Variants in DNAJC1 observed in about 807,000 individuals in gnomAD.
The protein encoded by DNAJC1 is dnaJ homolog subfamily C member 1.
Under a neutral mutation model 76.6 loss-of-function variants are expected in DNAJC1, and 58 were observed. The observed-to-expected ratio is 0.76, with a 90% CI of 0.61 to 0.94. DNAJC1 has a LOEUF of 0.94. Among genes scored for constraint, DNAJC1 ranks in the 40% least tolerant of loss-of-function variants. DNAJC1 has a pLI of 0.00. For missense variants in DNAJC1, 689 were observed against 677.3 expected (o/e 1.02, Z -0.19); for synonymous variants, 258 against 267.9 (o/e 0.96, Z 0.36).
intron 10 of DNAJC1, among the ~76,000 whole-genome samples, chr10:21,761,416 G>A (rs1049221409): frequency 6.6e-6 from 1 of 151,906 alleles, no homozygotes; most frequent in East Asian, 1.9e-4. Context: ...AAAATTAGCC[G>A]GGTGTGGTGG....
At chr10:21,781,718 C>CAA (rs1298897674) in intron 9 of DNAJC1, among the ~76,000 whole-genome samples, 3,017 of 86,896 alleles carry the variant, frequency 0.035, 112 homozygotes, top group Non-Finnish European at 0.04. Context: ...GCGACTGTCT[C>CAA]AAAAAAAAAA....
At chr10:21,758,843 C>A (rs941164381) in intron 11 of DNAJC1, among the ~76,000 whole-genome samples, 7 of 152,344 alleles carry the variant, frequency 4.6e-5, no homozygotes, top group Admixed American at 3.3e-4. Context: ...GCAGCGCCGG[C>A]TGAGCCTCCC....
intron 1 of DNAJC1, among the ~76,000 whole-genome samples, chr10:21,990,618 T>C (rs1418625123): frequency 2.0e-5 from 3 of 152,272 alleles, no homozygotes; most frequent in East Asian, 3.9e-4. Context: ...TTAGACACCA[T>C]CAAACAGGCT....
intron 8 of DNAJC1, among the ~76,000 whole-genome samples, chr10:21,832,103 T>A (rs970740689): frequency 6.6e-6 from 1 of 152,146 alleles, no homozygotes; most frequent in African/African-American, 2.4e-5. Context: ...AAGAATAACA[T>A]AGCATATATA....
chr10:21,952,586 A>C (rs1031819861), intron 1 of DNAJC1, among the ~76,000 whole-genome samples: 3 of 152,126 alleles, frequency 2.0e-5, no homozygotes, highest in Non-Finnish European at 2.9e-5. Context: ...GTGAAAACCT[A>C]TCTCTACTAA....
chr10:21,977,464 A>C (rs1838084969), intron 1 of DNAJC1, among the ~76,000 whole-genome samples: 2 of 152,182 alleles, frequency 1.3e-5, no homozygotes, highest in Admixed American at 6.5e-5. Flanking sequence ...AAGGAGAAAT[A>C]ATTTCCCAAA....
chr10:21,759,654 C>A, intron 10 of DNAJC1, 36 bp from the exon 11 acceptor site: 1 of 1,590,352 alleles, frequency 6.3e-7, no homozygotes, highest in Non-Finnish European at 8.6e-7. Context: ...AGGTGAAGGG[C>A]AAGGTGAATT....
intron 6 of DNAJC1, among the ~76,000 whole-genome samples, chr10:21,912,629 C>G (rs2666768): frequency 0.76 from 114,932 of 151,968 alleles, 43,983 homozygotes; most frequent in East Asian, 0.99. Flanking sequence ...GTGTGTGTGT[C>G]TGAAAAGTTT....
At chr10:21,958,592 A>G (rs1031136321) in intron 1 of DNAJC1, among the ~76,000 whole-genome samples, 1 of 151,984 alleles carries the variant, frequency 6.6e-6, no homozygotes, top group Non-Finnish European at 1.5e-5. Context: ...ACGCCCAGCT[A>G]ATTTTTCGTA....
intron 3 of DNAJC1, 110 bp from the exon 4 acceptor site, chr10:21,921,073 ATAATGT>A (rs1349316019): frequency 1.0e-6 from 1 of 953,034 alleles, no homozygotes; most frequent in Non-Finnish European, 1.5e-6. Context: ...TCCAAAATAG[ATAATGT>A]TTATGTACGT....
intron 1 of DNAJC1, among the ~76,000 whole-genome samples, chr10:21,954,350 C>T (rs917320974): frequency 1.3e-5 from 2 of 152,016 alleles, no homozygotes; most frequent in Non-Finnish European, 2.9e-5. Flanking sequence ...CTTCACTAGC[C>T]TAGAAGTGAA....
chr10:21,783,371 A>T (rs1164181675), intron 9 of DNAJC1, among the ~76,000 whole-genome samples: 1 of 152,208 alleles, frequency 6.6e-6, no homozygotes, highest in African/African-American at 2.4e-5. Flanking sequence ...TTCAAGGAGA[A>T]CTACAAACTA....
At chr10:21,839,268 A>G (rs1170589998) in intron 8 of DNAJC1, among the ~76,000 whole-genome samples, 1 of 152,200 alleles carries the variant, frequency 6.6e-6, no homozygotes, top group Non-Finnish European at 1.5e-5. Flanking sequence ...AACTGAAGGA[A>G]ATAGAGACAC....
At chr10:21,880,827 A>AAGTAAGCCTGTCTT (rs1234333432) in intron 8 of DNAJC1, among the ~76,000 whole-genome samples, 2 of 152,308 alleles carry the variant, frequency 1.3e-5, no homozygotes, top group East Asian at 3.9e-4. Context: ...CCTGACGAGA[A>AAGTAAGCCTGTCTT]AGTAAGCCTG....
intron 8 of DNAJC1, among the ~76,000 whole-genome samples, chr10:21,811,257 G>A (rs1476700763): frequency 6.6e-6 from 1 of 152,204 alleles, no homozygotes; most frequent in Non-Finnish European, 1.5e-5. Flanking sequence ...ACACTGTCAA[G>A]AAACAGCTAT....
At chr10:21,877,005 C>T (rs776842839) in intron 8 of DNAJC1, among the ~76,000 whole-genome samples, 4 of 151,920 alleles carry the variant, frequency 2.6e-5, no homozygotes, top group East Asian at 1.9e-4. Context: ...TCAGGTGTGG[C>T]GGCTCATGCT....
chr10:21,969,565 T>G (rs1837945801), intron 1 of DNAJC1, among the ~76,000 whole-genome samples: 1 of 152,204 alleles, frequency 6.6e-6, no homozygotes, highest in Admixed American at 6.5e-5. Flanking sequence ...CCAGTTGATT[T>G]CACAATGTAT....
At chr10:21,781,086 T>C (rs1448856623) in intron 9 of DNAJC1, among the ~76,000 whole-genome samples, 2 of 152,158 alleles carry the variant, frequency 1.3e-5, no homozygotes, top group Non-Finnish European at 2.9e-5. Context: ...AGCACCCAGA[T>C]TCATAAAGCA....
intron 1 of DNAJC1, among the ~76,000 whole-genome samples, chr10:21,980,186 C>G (rs767849242): frequency 1.3e-5 from 2 of 152,004 alleles, no homozygotes; most frequent in Non-Finnish European, 2.9e-5. Flanking sequence ...AGATATTGAA[C>G]AAACTATATA....
Sources: allele counts gnomAD v4.1 joint callset (sites outside exome capture counted in the v4.1 genomes callset), GRCh38; gene constraint gnomAD v4.1.1; transcripts MANE v1.5; gene names NCBI Gene and HGNC (gene_info 2026-07-23, HGNC 2026-07-21).